Variants in SORBS2 observed in about 807,000 individuals in gnomAD.
The protein encoded by SORBS2 is sorbin and SH3 domain containing 2, also known as sorbin and SH3 domain-containing protein 2.
In SORBS2, 46 loss-of-function variants were observed where a neutral mutation model predicts 97.7. The ratio of observed to expected loss-of-function variants is 0.47; its 90% CI spans 0.37 to 0.60. The LOEUF is 0.60. SORBS2 is among the 20% of genes least tolerant of loss of function. The pLI is 0.00. For missense variants in SORBS2, 1,316 were observed against 1,282.3 expected (o/e 1.03, Z -0.40); for synonymous variants, 476 against 473.4 (o/e 1.01, Z -0.07).
At chr4:185,886,788 CAT>C (rs1047852424) in intron 1 of SORBS2, among the ~76,000 whole-genome samples, 1 of 151,980 alleles carries the variant, frequency 6.6e-6, no homozygotes, top group African/African-American at 2.4e-5. Context: ...GAGGTCTGAT[CAT>C]TTAGCCTGGA....
chr4:185,704,303 A>G (rs2098308508), intron 2 of SORBS2, among the ~76,000 whole-genome samples: 1 of 152,006 alleles, frequency 6.6e-6, no homozygotes, highest in Non-Finnish European at 1.5e-5. Flanking sequence ...TCATTCATTC[A>G]TTATTTTTTA....
chr4:185,739,822 A>G (rs1022304719), intron 2 of SORBS2, among the ~76,000 whole-genome samples: 2 of 152,206 alleles, frequency 1.3e-5, no homozygotes, highest in African/African-American at 4.8e-5. Context: ...ATGATACACT[A>G]AGAAACTGAA....
intron 2 of SORBS2, chr4:185,757,023 G>A: frequency 1.1e-6 from 1 of 931,690 alleles, no homozygotes. Flanking sequence ...GACGTGAGTG[G>A]CATCAATGTC....
At chr4:185,924,350 G>A (rs376959890) in intron 1 of SORBS2, among the ~76,000 whole-genome samples, 8 of 152,096 alleles carry the variant, frequency 5.3e-5, no homozygotes, top group Non-Finnish European at 1.2e-4. Flanking sequence ...ACCTCACTTC[G>A]TTATAGGAGT....
intron 1 of SORBS2, among the ~76,000 whole-genome samples, chr4:185,923,964 G>T (rs2099262267): frequency 6.6e-6 from 1 of 152,126 alleles, no homozygotes; most frequent in Non-Finnish European, 1.5e-5. Context: ...ATTCCTTTGC[G>T]ATGTGTATTA....
At chr4:185,822,181 T>C (rs2099197166) in intron 1 of SORBS2, among the ~76,000 whole-genome samples, 1 of 152,226 alleles carries the variant, frequency 6.6e-6, no homozygotes, top group Non-Finnish European at 1.5e-5. Context: ...ACCTGCAGTA[T>C]TCAGCTCTTC....
intron 2 of SORBS2, among the ~76,000 whole-genome samples, chr4:185,764,890 A>T (rs568801981): frequency 3.0e-4 from 46 of 152,276 alleles, no homozygotes; most frequent in Non-Finnish European, 5.3e-4. Context: ...AGAGGTAACC[A>T]TTATCTGAAT....
chr4:185,700,396 T>C (rs139077750), intron 2 of SORBS2, among the ~76,000 whole-genome samples: 69 of 152,122 alleles, frequency 4.5e-4, no homozygotes, highest in African/African-American at 1.6e-3. Context: ...AGAGACACTA[T>C]GGTGAGTTTC....
chr4:185,644,929 G>C (rs1581693966), intron 4 of SORBS2, among the ~76,000 whole-genome samples: 1 of 152,108 alleles, frequency 6.6e-6, no homozygotes, highest in Admixed American at 6.5e-5. Context: ...CATATAAGAG[G>C]CTGTTTACTT....
intron 1 of SORBS2, among the ~76,000 whole-genome samples, chr4:185,783,502 G>A (rs891584433): frequency 7.9e-5 from 12 of 152,148 alleles, no homozygotes; most frequent in African/African-American, 2.9e-4. Context: ...TTGATTTTAT[G>A]TATAGTATAT....
At chr4:185,780,884 C>T (rs2099025309) in intron 1 of SORBS2, among the ~76,000 whole-genome samples, 1 of 152,126 alleles carries the variant, frequency 6.6e-6, no homozygotes. Flanking sequence ...TTCTTAAAAC[C>T]TCTGTTAGAA....
At chr4:185,722,720 CTTAA>C (rs1395074377) in intron 2 of SORBS2, among the ~76,000 whole-genome samples, 1 of 152,098 alleles carries the variant, frequency 6.6e-6, no homozygotes, top group Non-Finnish European at 1.5e-5. Context: ...ACTCTTTTTT[CTTAA>C]TTAAAGGCTG....
At chr4:185,747,739 C>T (rs2098772071) in intron 2 of SORBS2, among the ~76,000 whole-genome samples, 1 of 152,188 alleles carries the variant, frequency 6.6e-6, no homozygotes. Context: ...GTGGCTCACA[C>T]CTGTAATCCC....
chr4:185,699,009 T>G (rs1475872281), intron 2 of SORBS2, among the ~76,000 whole-genome samples: 3 of 152,202 alleles, frequency 2.0e-5, no homozygotes, highest in Non-Finnish European at 4.4e-5. Flanking sequence ...AAAGCCACAC[T>G]TTTCTTCTGA....
chr4:185,903,253 G>C lies in SORBS2; in HGVS notation c.-338+52943C>G, dbSNP rs139275106. On this transcript the variant is annotated intron_variant, in intron 1 of 20. Transcript: ENST00000284776. ...GATTTTAAAGTCAAAATGTTTCATG[G>C]CTAATTGAGAAAAATCTTGGGCTCT... Among the ~76,000 whole-genome samples, 674 of 152,258 alleles carry C rather than the reference G, an allele frequency of 4.4e-3. 4 individuals are homozygous for C. The highest frequency in any genetic ancestry group is 7.8e-3 in the Non-Finnish European group (530 of 68,026).
At chr4:185,798,628 T>C (rs1166681133) in intron 1 of SORBS2, among the ~76,000 whole-genome samples, 1 of 152,190 alleles carries the variant, frequency 6.6e-6, no homozygotes, top group Admixed American at 6.5e-5. Flanking sequence ...ATCATAGTCT[T>C]ATTAATTAAA....
At chr4:185,611,842 GGTA>G in exon 12 of SORBS2, 1 of 1,614,058 alleles carries the variant, frequency 6.2e-7, no homozygotes, top group Non-Finnish European at 8.5e-7. Flanking sequence ...GGAGGGTCAG[GGTA>G]GTCCTCAGCA....
At chr4:185,721,576 G>C (rs2098515161) in intron 2 of SORBS2, among the ~76,000 whole-genome samples, 1 of 152,162 alleles carries the variant, frequency 6.6e-6, no homozygotes, top group African/African-American at 2.4e-5. Flanking sequence ...ACATTCAGTT[G>C]GAATTTTGGA....
chr4:185,940,192 C>T (rs543678286), intron 1 of SORBS2, among the ~76,000 whole-genome samples: 12 of 152,284 alleles, frequency 7.9e-5, no homozygotes, highest in Middle Eastern at 6.8e-3. Flanking sequence ...GGCTTAAGTA[C>T]TGTCTAAACA....
Sources: gnomAD v4.1 joint callset for allele counts (sites outside exome capture counted in the v4.1 genomes callset) on GRCh38, gnomAD v4.1.1 for gene constraint, MANE v1.5 for transcripts, NCBI Gene and HGNC (gene_info 2026-07-23, HGNC 2026-07-21) for gene names.